KDM4C: variants seen among roughly 807,000 people sequenced by gnomAD.
The protein encoded by KDM4C is lysine demethylase 4C.
Under a neutral mutation model 129.3 loss-of-function variants are expected in KDM4C, and 81 were observed. The observed-to-expected ratio is 0.63, with a 90% CI of 0.52 to 0.75. KDM4C has a LOEUF of 0.75. KDM4C is among the 30% of genes least tolerant of loss of function. The pLI, the probability that KDM4C is intolerant of heterozygous loss-of-function variation, is 0.00. For synonymous variants in KDM4C, 573 were observed against 456.1 expected, an observed-to-expected ratio of 1.26 and a Z score of -3.26; for missense variants, 1,457 against 1,304.0, an observed-to-expected ratio of 1.12 and a Z score of -1.81.
At chr9:6,990,291 A>G (rs775320886) in intron 11 of KDM4C, 125 bp from the exon 12 acceptor site, 10 of 688,612 alleles carry the variant, frequency 1.5e-5, no homozygotes, top group South Asian at 1.4e-4. Context: ...TAGTTCCCCA[A>G]GAGGTAAACA....
intron 4 of KDM4C, among the ~76,000 whole-genome samples, chr9:6,836,735 A>G (rs1835952445): frequency 6.6e-6 from 1 of 152,208 alleles, no homozygotes; most frequent in Non-Finnish European, 1.5e-5. Flanking sequence ...TTCACCTAAC[A>G]GTATTTCCCA....
intron 1 of KDM4C, among the ~76,000 whole-genome samples, chr9:6,747,392 A>T (rs1296546338): frequency 6.6e-6 from 1 of 151,080 alleles, no homozygotes; most frequent in East Asian, 2.0e-4. Flanking sequence ...CTAAAAATAC[A>T]TAAAAATTAG....
intron 17 of KDM4C, among the ~76,000 whole-genome samples, chr9:7,052,526 T>A (rs964870523): frequency 1.3e-5 from 2 of 152,172 alleles, no homozygotes; most frequent in Non-Finnish European, 2.9e-5. Flanking sequence ...ACAGATCTAA[T>A]TCACACACAT....
intron 6 of KDM4C, among the ~76,000 whole-genome samples, chr9:6,884,250 C>A (rs1844914349): frequency 6.6e-6 from 1 of 152,142 alleles, no homozygotes; most frequent in African/African-American, 2.4e-5. Context: ...TTAGCAAGCA[C>A]CAAGAGGCCA....
At chr9:7,133,542 A>C (rs980101164) in intron 19 of KDM4C, among the ~76,000 whole-genome samples, 1 of 152,168 alleles carries the variant, frequency 6.6e-6, no homozygotes, top group Non-Finnish European at 1.5e-5. Flanking sequence ...GTTACTTGCC[A>C]AGTCGCACAA....
chr9:7,063,501 G>GT (rs1166212572), intron 17 of KDM4C, among the ~76,000 whole-genome samples: 2 of 152,144 alleles, frequency 1.3e-5, no homozygotes, highest in African/African-American at 4.8e-5. Flanking sequence ...ATTCCTGGTG[G>GT]TCTCTCACTT....
intron 4 of KDM4C, chr9:6,835,019 T>C: frequency 1.1e-6 from 1 of 947,988 alleles, no homozygotes; most frequent in Non-Finnish European, 1.7e-6. Flanking sequence ...GACTACCTCA[T>C]GAAGATCCTT....
chr9:6,739,565 C>T (rs1468159440), intron 1 of KDM4C, among the ~76,000 whole-genome samples: 1 of 151,868 alleles, frequency 6.6e-6, no homozygotes, highest in Non-Finnish European at 1.5e-5. Context: ...TGTGGTTACC[C>T]ATTTGGTTTT....
intron 5 of KDM4C, among the ~76,000 whole-genome samples, chr9:6,865,622 A>C (rs1026358380): frequency 1.3e-5 from 2 of 152,154 alleles, no homozygotes; most frequent in Non-Finnish European, 2.9e-5. Context: ...GCTGGAGTTC[A>C]GTGGCGTGAT....
intron 8 of KDM4C, chr9:6,941,763 A>G (rs1219625803): frequency 2.0e-5 from 3 of 152,180 alleles, no homozygotes; most frequent in African/African-American, 7.2e-5. Flanking sequence ...ATTCACCCGG[A>G]AGCCTGGGAG....
chr9:7,098,446 G>A (rs1407896772), intron 17 of KDM4C, among the ~76,000 whole-genome samples: 1 of 152,174 alleles, frequency 6.6e-6, no homozygotes, highest in Non-Finnish European at 1.5e-5. Context: ...TTATTTTAAT[G>A]CTCTGAACTT....
chr9:7,022,087 A>G (rs1824969307), intron 15 of KDM4C, among the ~76,000 whole-genome samples: 1 of 152,090 alleles, frequency 6.6e-6, no homozygotes, highest in African/African-American at 2.4e-5. Context: ...GTTAGGCAAT[A>G]TGATTCTTCC....
intron 1 of KDM4C, among the ~76,000 whole-genome samples, chr9:6,785,418 ACT>A (rs1458872855): frequency 6.6e-6 from 1 of 150,638 alleles, no homozygotes; most frequent in Non-Finnish European, 1.5e-5. Flanking sequence ...CTCACTGCAA[ACT>A]CTGCCTCCCG....
chr9:6,758,294 G>T lies in KDM4C; in HGVS notation c.-18+91G>T. 1.3e-6 allele frequency: 1 copy of T among 782,184 alleles called. No homozygotes were observed. The highest frequency in any genetic ancestry group is 1.6e-6 in the Non-Finnish European group (1 of 644,318). The allele number at this position is 782,184 out of a possible 1,614,324, so 48.5% of individuals were successfully genotyped here. A position where few individuals can be genotyped will look rare whatever the true frequency, so the allele number is the denominator to read the frequency against. ...TGCCCCCCTCCGCGTGGGGCACGGG[G>T]GTGCGGGCGTCCGGGCGAGCGGCGA... On this transcript the variant is annotated intron_variant, in intron 1 of 21. Coordinates refer to ENST00000381309, the MANE Select transcript of KDM4C (RefSeq NM_015061.6). This position sits in a 1 kb window ranked among gnomAD's most constrained non-coding sequence, Gnocchi z 4.6.
chr9:6,855,197 A>T (rs955845819), intron 5 of KDM4C, among the ~76,000 whole-genome samples: 1 of 152,194 alleles, frequency 6.6e-6, no homozygotes, highest in African/African-American at 2.4e-5. Context: ...GCTGAGGCTC[A>T]TGCCTGTAAT....
chr9:6,856,033 T>C (rs1365800230), intron 5 of KDM4C, among the ~76,000 whole-genome samples: 3 of 152,168 alleles, frequency 2.0e-5, no homozygotes, highest in African/African-American at 4.8e-5. Context: ...GAGTCACCAT[T>C]CCTGGCCCCA....
chr9:6,829,873 A>T (rs992427964), intron 4 of KDM4C, among the ~76,000 whole-genome samples: 1 of 152,220 alleles, frequency 6.6e-6, no homozygotes, highest in Non-Finnish European at 1.5e-5. Flanking sequence ...ACAAAAAGGA[A>T]TATAAAGATA....
At chr9:6,846,451 C>G (rs887894401) in intron 4 of KDM4C, among the ~76,000 whole-genome samples, 2 of 152,136 alleles carry the variant, frequency 1.3e-5, no homozygotes, top group Admixed American at 1.3e-4. Context: ...AGACCTGGTA[C>G]TGTTCAGAAG....
At chr9:7,113,686 G>A (rs1280129407) in intron 18 of KDM4C, among the ~76,000 whole-genome samples, 1 of 152,168 alleles carries the variant, frequency 6.6e-6, no homozygotes, top group African/African-American at 2.4e-5. Flanking sequence ...TCTAAAAATG[G>A]TTGAACTCTA....
Sources: gnomAD v4.1 joint callset for allele counts (sites outside exome capture counted in the v4.1 genomes callset) on GRCh38, gnomAD v4.1.1 for gene constraint, Gnocchi (gnomAD v3.1) non-coding constraint, MANE v1.5 for transcripts, NCBI Gene and HGNC (gene_info 2026-07-23, HGNC 2026-07-21) for gene names.